MINDY4: variants seen among roughly 807,000 people sequenced by gnomAD.
The protein encoded by MINDY4 is probable ubiquitin carboxyl-terminal hydrolase MINDY-4.
A neutral mutation model predicts 87.0 loss-of-function variants in MINDY4; 68 were observed. The observed-to-expected ratio is 0.78, with a 90% CI of 0.64 to 0.96. The LOEUF (loss-of-function observed/expected upper bound fraction) is 0.96, where lower values mean the gene tolerates loss of function less well. Ranked by LOEUF, MINDY4 falls within the 40% of genes least tolerant of loss-of-function variation. The pLI is 0.00. For missense variants in MINDY4, 919 were observed against 928.2 expected, an observed-to-expected ratio of 0.99 and a Z score of 0.13; for synonymous variants, 379 against 363.2, an observed-to-expected ratio of 1.04 and a Z score of -0.50.
At chr7:30,791,706 C>T (rs978680657) in intron 5 of MINDY4, 132 bp downstream of exon 5, 47 of 995,026 alleles carry the variant, frequency 4.7e-5, no homozygotes, top group South Asian at 8.0e-5. Context: ...GCGAAGTAAC[C>T]GGCAAGGTAG....
chr7:30,850,370 A>G (rs2128570825), intron 9 of MINDY4, 84 bp from the exon 10 acceptor site: 1 of 1,261,906 alleles, frequency 7.9e-7, no homozygotes, highest in East Asian at 2.5e-5. Context: ...TGCGGAGGGG[A>G]CTGCCTGACC....
At chr7:30,868,685 G>C (rs1790011763) in intron 13 of MINDY4, among the ~76,000 whole-genome samples, 1 of 152,236 alleles carries the variant, frequency 6.6e-6, no homozygotes, top group Admixed American at 6.5e-5. Flanking sequence ...CCTTTGTTCT[G>C]TTTCTTGATA....
intron 6 of MINDY4, among the ~76,000 whole-genome samples, chr7:30,829,389 C>T (rs1191829274): frequency 3.3e-5 from 5 of 152,178 alleles, no homozygotes; most frequent in African/African-American, 9.7e-5. Context: ...AAGGACTGGC[C>T]GTGAGAGGAT....
In MINDY4 at chr7:30,832,961, T is replaced by G. The variant is rs373699662; in HGVS notation, c.1133-3697T>G. On this transcript the variant is annotated intron_variant, in intron 6 of 17. Transcript: ENST00000265299. ...ATGCTTAATCTATATCTTTTTCTTG[T>G]GTATGTTCTTGCAAAATCTATACTG... is the stretch of plus-strand genomic sequence containing the variant. Among the ~76,000 whole-genome samples the G allele has an allele frequency of 2.3e-4, 35 of 152,350 alleles. No individual in the cohort carries two copies. In the South Asian group the frequency reaches 6.2e-3, roughly 27 times the overall value.
chr7:30,870,506 C>T (rs1182996584), intron 13 of MINDY4, among the ~76,000 whole-genome samples: 1 of 152,186 alleles, frequency 6.6e-6, no homozygotes, highest in Non-Finnish European at 1.5e-5. Context: ...CCCAGAAGAC[C>T]CCCAAGCCTT....
At chr7:30,891,334 T>C (rs866903447) in intron 17 of MINDY4, among the ~76,000 whole-genome samples, 49 of 152,358 alleles carry the variant, frequency 3.2e-4, no homozygotes, top group African/African-American at 1.1e-3. Context: ...CTTTTCGTTT[T>C]GCAACTGAAC....
intron 9 of MINDY4, among the ~76,000 whole-genome samples, chr7:30,841,145 C>T (rs1161648057): frequency 6.6e-6 from 1 of 152,202 alleles, no homozygotes; most frequent in Non-Finnish European, 1.5e-5. Context: ...GCCCGAATCC[C>T]TTCCACCCAC....
At chr7:30,882,699 G>GT (rs1271358693) in intron 16 of MINDY4, among the ~76,000 whole-genome samples, 6 of 152,002 alleles carry the variant, frequency 3.9e-5, no homozygotes, top group African/African-American at 1.5e-4. Flanking sequence ...GAGATCAGAA[G>GT]TGTTTTTAGA....
chr7:30,783,303 A>G (rs941440547), intron 3 of MINDY4, among the ~76,000 whole-genome samples: 27 of 152,016 alleles, frequency 1.8e-4, no homozygotes, highest in African/African-American at 5.6e-4. Flanking sequence ...ACTACCTTTG[A>G]TCCTCATGTC....
chr7:30,829,806 T>C (rs560125690), intron 6 of MINDY4, among the ~76,000 whole-genome samples: 4 of 152,172 alleles, frequency 2.6e-5, no homozygotes, highest in Non-Finnish European at 5.9e-5. Context: ...GATTTTGCAG[T>C]GAAAGCTGCT....
At chr7:30,884,691 C>T (rs1486082266) in intron 17 of MINDY4, among the ~76,000 whole-genome samples, 1 of 152,232 alleles carries the variant, frequency 6.6e-6, no homozygotes, top group African/African-American at 2.4e-5. Context: ...TCTCCACTGC[C>T]TCTTCTGGAG....
At chr7:30,820,767 A>C (rs1360507503) in intron 5 of MINDY4, among the ~76,000 whole-genome samples, 2 of 152,072 alleles carry the variant, frequency 1.3e-5, no homozygotes, top group East Asian at 3.9e-4. Flanking sequence ...GGTTGTCTCC[A>C]CCTTTTGGTT....
At chr7:30,782,885 T>C (rs1454526674) in intron 3 of MINDY4, among the ~76,000 whole-genome samples, 1 of 152,192 alleles carries the variant, frequency 6.6e-6, no homozygotes, top group Non-Finnish European at 1.5e-5. Flanking sequence ...CTTCACCTGA[T>C]AGGATGTGGC....
At chr7:30,852,301 T>C in intron 11 of MINDY4, 22 bp downstream of exon 11, 3 of 1,614,016 alleles carry the variant, frequency 1.9e-6, no homozygotes, top group Non-Finnish European at 2.5e-6. Flanking sequence ...TGGAAAATTA[T>C]CACGCAAACT....
intron 13 of MINDY4, among the ~76,000 whole-genome samples, chr7:30,866,139 T>A (rs1193309476): frequency 6.6e-6 from 1 of 152,150 alleles, no homozygotes; most frequent in Non-Finnish European, 1.5e-5. Flanking sequence ...GGGGTCCACC[T>A]GGTACAGCTG....
rs1361695067 is a variant in MINDY4 at position 30,882,168 on chromosome 7, C to A, written c.1972-13C>A. On this transcript the variant is annotated splice_polypyrimidine_tract_variant and intron_variant, in intron 15 of 17. Coordinates refer to ENST00000265299, the MANE Select transcript of MINDY4 (RefSeq NM_032222.3). ...GGGGACGGCATTTCACATCAGGCCTCTCCCTCATCCAGGTTGGCTGCTTCC... is the reference window on the plus strand; with the variant it reads ...GGGGACGGCATTTCACATCAGGCCTATCCCTCATCCAGGTTGGCTGCTTCC... The A allele has an allele frequency of 6.3e-7, 1 of 1,595,940 alleles. No homozygotes were observed. The highest frequency in any genetic ancestry group is 1.3e-5 in the African/African-American group (1 of 74,606).
chr7:30,842,963 A>G (rs1181133530), intron 9 of MINDY4, among the ~76,000 whole-genome samples: 1 of 152,194 alleles, frequency 6.6e-6, no homozygotes, highest in African/African-American at 2.4e-5. Flanking sequence ...AGATAAAACC[A>G]GGCCCTGCCT....
Position 30,774,519 on chromosome 7 carries a change from C to G in MINDY4, c.63+2963C>G, listed in dbSNP as rs1044834683. On this transcript the variant is annotated intron_variant, in intron 1 of 17. Coordinates refer to ENST00000265299, the MANE Select transcript of MINDY4 (RefSeq NM_032222.3). ...TACTGGTTTATTATTTCCTCCCTTTCTATAGAAACCCCATAAAGGACCTGT... is the reference window on the plus strand; with the variant it reads ...TACTGGTTTATTATTTCCTCCCTTTGTATAGAAACCCCATAAAGGACCTGT... Among the ~76,000 whole-genome samples the G allele has an allele frequency of 2.6e-5, 4 of 152,108 alleles. No individual in the cohort carries two copies. In the East Asian group the frequency reaches 5.8e-4, roughly 22 times the overall value.
At chr7:30,858,824 C>T (rs1365753415) in intron 12 of MINDY4, 3 of 368,162 alleles carry the variant, frequency 8.1e-6, no homozygotes, top group South Asian at 6.1e-5. Context: ...GTGCTGCTGA[C>T]AAGCTGTGTG....
Sources: gnomAD v4.1 joint callset for allele counts (sites outside exome capture counted in the v4.1 genomes callset) on GRCh38, gnomAD v4.1.1 for gene constraint, MANE v1.5 for transcripts, NCBI Gene and HGNC (gene_info 2026-07-23, HGNC 2026-07-21) for gene names.